The following WSB2 variants were observed in gnomAD, a reference collection of about 807,000 sequenced individuals.
The protein encoded by WSB2 is WD repeat and SOCS box-containing protein 2.
WSB2 carries 12 observed loss-of-function variants against 48.8 expected under a neutral mutation model. The observed-to-expected ratio is 0.25, with a 90% CI of 0.16 to 0.40. The LOEUF (loss-of-function observed/expected upper bound fraction) is 0.40, where lower values mean the gene tolerates loss of function less well. WSB2 is among the 10% of genes least tolerant of loss of function. The pLI is 1.00. For synonymous variants in WSB2, 191 were observed against 203.1 expected (o/e 0.94, Z 0.51); for missense variants, 317 against 506.2 (o/e 0.63, Z 3.59).
rs200763211 is a variant in WSB2, at chr12:118,035,143, C to T, written c.945-50G>A. Reference sequence around the variant, plus strand: ...GATATTAGCTGACCCAGGGCCAGACCAAGAGGGCCTTGCTGCCATTACTTG... The same window carrying T: ...GATATTAGCTGACCCAGGGCCAGACTAAGAGGGCCTTGCTGCCATTACTTG... On this transcript the variant is annotated intron_variant, in intron 7 of 8. Coordinates refer to ENST00000315436, the MANE Select transcript of WSB2 (RefSeq NM_018639.5). 185 of 1,612,360 alleles carry T rather than the reference C, an allele frequency of 1.1e-4. No homozygotes were observed. In the East Asian group the frequency reaches 4.0e-3, roughly 35 times the overall value.
At chr12:118,035,371 C>G (rs1399006402) in intron 6 of WSB2, 47 bp from the exon 7 acceptor site, 2 of 1,540,804 alleles carry the variant, frequency 1.3e-6, no homozygotes, top group South Asian at 1.1e-5. Context: ...GATGGCTGCT[C>G]TCCACCCTCC....
Position 118,036,212 on chromosome 12 carries a change from C to G in WSB2, c.833+126G>C, listed in dbSNP as rs73410742. 3,197 of 1,142,832 alleles carry G rather than the reference C, an allele frequency of 2.8e-3. 71 individuals are homozygous for G. The African/African-American group carries it at 0.045, about 16-fold the overall frequency. The allele number at this position is 1,142,832 out of a possible 1,614,324, so 70.8% of individuals were successfully genotyped here. On this transcript the variant is annotated intron_variant, in intron 6 of 8. Coordinates refer to ENST00000315436, the MANE Select transcript of WSB2 (RefSeq NM_018639.5). ...GCGAGACTCCGTCTCAAAAGAGACCCACTGTGCCTTTTTATCCAGCTTGTC... is the reference window on the plus strand; with the variant it reads ...GCGAGACTCCGTCTCAAAAGAGACCGACTGTGCCTTTTTATCCAGCTTGTC...
chr12:118,039,317 T>C (rs1211168719), intron 4 of WSB2, among the ~76,000 whole-genome samples: 1 of 152,082 alleles, frequency 6.6e-6, no homozygotes, highest in Admixed American at 6.6e-5. Flanking sequence ...CCCGTCCATA[T>C]AGAGGATGGG....
rs118135632 is a variant in WSB2, at chr12:118,056,164, G to C, written c.14-3686C>G. On this transcript the variant is annotated intron_variant, in intron 1 of 8. Transcript: ENST00000315436. Reference sequence around the variant, plus strand: ...GAATAAAACTCTAGCTCCTCACCCTGCCCTCAAAATCCAGCATAATCTGAA... The same window carrying C: ...GAATAAAACTCTAGCTCCTCACCCTCCCCTCAAAATCCAGCATAATCTGAA... 6.0e-4 allele frequency among the ~76,000 whole-genome samples: 92 copies of C among 152,128 alleles called. No homozygotes were observed. In the East Asian group the frequency reaches 0.018, roughly 29 times the overall value.
chr12:118,038,289 G>A lies in WSB2; in HGVS notation c.659C>T (p.Ser220Leu), dbSNP rs773071261. ...AAAGCAATAACGCTGGAGACTCACC[G>A]ACTTCTCTCCAGCTGCAGAGCACAG... ...SMLCSAAGEK[S>L]VFLWSMRSYT... is the part of the protein sequence containing the mutation. The change falls in exon 5 of 9, where the codon TCG (serine) becomes TTG (leucine). Residue 220 changes from serine to leucine, a missense_variant and splice_region_variant. Coordinates refer to ENST00000315436, the MANE Select transcript of WSB2 (RefSeq NM_018639.5). The A allele has an allele frequency of 6.2e-6, 10 of 1,612,810 alleles. No individual in the cohort carries two copies. In the African/African-American group the frequency reaches 8.0e-5, roughly 13 times the overall value.
intron 5 of WSB2, among the ~76,000 whole-genome samples, chr12:118,037,682 AGAAAAG>A (rs1670697814): frequency 1.3e-5 from 2 of 149,094 alleles, no homozygotes; most frequent in African/African-American, 5.0e-5. Flanking sequence ...AAAAAAAAAA[AGAAAAG>A]AAAAGAAAAG....
At chr12:118,036,702 T>G (rs770203960) in intron 5 of WSB2, among the ~76,000 whole-genome samples, 192 bp from the exon 6 acceptor site, 56 of 152,246 alleles carry the variant, frequency 3.7e-4, no homozygotes, top group Admixed American at 1.2e-3. Flanking sequence ...TCTTGAGGAT[T>G]TAAAACAATG....
At position 118,045,255 on chromosome 12, in the gene WSB2, T is replaced by A. The variant is rs1235253418; in HGVS notation, c.183-1878A>T. ...GGCGGGTGCCTGTAGTCCCAGCTAC[T>A]CGGAGAGGCTGAGGCAGGAGAATGG... is the stretch of plus-strand genomic sequence containing the variant. On this transcript the variant is annotated intron_variant, in intron 2 of 8. Transcript: ENST00000315436. Among the ~76,000 whole-genome samples the A allele has an allele frequency of 2.6e-5, 4 of 151,728 alleles. No individual in the cohort carries two copies. In the East Asian group the frequency reaches 7.8e-4, roughly 29 times the overall value.
At chr12:118,034,470 T>A in intron 8 of WSB2, 112 bp from the exon 9 acceptor site, 1 of 1,287,164 alleles carries the variant, frequency 7.8e-7, no homozygotes, top group Non-Finnish European at 1.1e-6. Flanking sequence ...CTTCGGAGAG[T>A]GAAATGTAAC....
At chr12:118,051,790 A>G (rs2031857826) in intron 2 of WSB2, among the ~76,000 whole-genome samples, 1 of 152,260 alleles carries the variant, frequency 6.6e-6, no homozygotes, top group East Asian at 1.9e-4. Context: ...CCTGGCCAAC[A>G]TGGCGAAACC....
upstream of WSB2, chr12:118,061,350 A>G (rs1187725539): frequency 4.4e-5 from 6 of 137,270 alleles, no homozygotes; most frequent in Admixed American, 1.5e-4. Context: ...CTCAGGGGAA[A>G]CGGGGGCGGG....
intron 4 of WSB2, among the ~76,000 whole-genome samples, chr12:118,042,196 G>A (rs1311632327): frequency 6.6e-6 from 1 of 152,182 alleles, no homozygotes; most frequent in Non-Finnish European, 1.5e-5. Flanking sequence ...TCTAGGCTTA[G>A]AGTCTGCTTC....
At chr12:118,056,133 C>A (rs889441302) in intron 1 of WSB2, among the ~76,000 whole-genome samples, 6 of 152,106 alleles carry the variant, frequency 3.9e-5, no homozygotes, top group Admixed American at 3.9e-4. Flanking sequence ...GTTTCAAACA[C>A]TGTTAGAATA....
chr12:118,056,730 G>A (rs985286087), intron 1 of WSB2, among the ~76,000 whole-genome samples: 1 of 151,994 alleles, frequency 6.6e-6, no homozygotes, highest in Admixed American at 6.6e-5. Context: ...GTGAAACCCC[G>A]TCTCTACTTA....
chr12:118,053,603 A>G (rs916808238), intron 1 of WSB2, among the ~76,000 whole-genome samples: 26 of 152,058 alleles, frequency 1.7e-4, no homozygotes, highest in African/African-American at 6.3e-4. Flanking sequence ...ATCTTGTGAA[A>G]GAGTAGGCAC....
At chr12:118,040,635 C>T (rs1027218689) in intron 4 of WSB2, among the ~76,000 whole-genome samples, 1 of 150,546 alleles carries the variant, frequency 6.6e-6, no homozygotes, top group African/African-American at 2.5e-5. Context: ...GTGGCACACA[C>T]CTGGAGGAGG....
chr12:118,061,205 C>A (rs1041353901), upstream of WSB2: 12 of 980,762 alleles, frequency 1.2e-5, no homozygotes, highest in Middle Eastern at 1.6e-3. Flanking sequence ...TGGGCGCGGG[C>A]GGAGACGCGC....
chr12:118,058,865 T>C (rs1419220918), intron 1 of WSB2, among the ~76,000 whole-genome samples: 1 of 152,002 alleles, frequency 6.6e-6, no homozygotes, highest in Non-Finnish European at 1.5e-5. Context: ...CCTGGTTAAT[T>C]TTGTATTTTT....
At chr12:118,052,585 C>A in intron 1 of WSB2, 107 bp from the exon 2 acceptor site, 1 of 1,521,908 alleles carries the variant, frequency 6.6e-7, no homozygotes, top group Non-Finnish European at 8.8e-7. Flanking sequence ...ACTATCCATT[C>A]CCAGAGGGAG....
Sources: allele counts gnomAD v4.1 joint callset (sites outside exome capture counted in the v4.1 genomes callset), GRCh38; gene constraint gnomAD v4.1.1; transcripts MANE v1.5; gene names NCBI Gene and HGNC (gene_info 2026-07-23, HGNC 2026-07-21).